Variants in CSGALNACT1 observed in about 807,000 individuals in gnomAD.
CSGALNACT1 encodes beta4GalNAcT-1.
Under a neutral mutation model 51.0 loss-of-function variants are expected in CSGALNACT1, and 52 were observed. The ratio of observed to expected loss-of-function variants is 1.02; its 90% CI spans 0.82 to 1.29. CSGALNACT1 has a LOEUF of 1.29. Among genes scored for constraint, CSGALNACT1 ranks in the 50% most tolerant of loss-of-function variants. CSGALNACT1 has a pLI of 0.00. For synonymous variants in CSGALNACT1, 341 were observed against 254.4 expected (o/e 1.34, Z -3.24); for missense variants, 935 against 679.2 (o/e 1.38, Z -4.19).
intron 1 of CSGALNACT1, among the ~76,000 whole-genome samples, chr8:19,755,456 CAAAAAAAAAAAA>C (rs71205945): frequency 1.3e-4 from 10 of 74,530 alleles, no homozygotes; most frequent in South Asian, 8.5e-4. Context: ...TAAAGAAAGA[CAAAAAAAAAAAA>C]AAAAAAAAAA....
chr8:19,489,030 A>G (rs1461367099), intron 4 of CSGALNACT1, among the ~76,000 whole-genome samples: 2 of 152,180 alleles, frequency 1.3e-5, no homozygotes, highest in African/African-American at 4.8e-5. Context: ...TGAAGGGCAA[A>G]AGATGTATCT....
At chr8:19,494,666 A>C (rs1415965805) in intron 4 of CSGALNACT1, among the ~76,000 whole-genome samples, 1 of 151,500 alleles carries the variant, frequency 6.6e-6, no homozygotes, top group African/African-American at 2.5e-5. Context: ...TACACTTAAC[A>C]AAGTTTTGAG....
intron 1 of CSGALNACT1, among the ~76,000 whole-genome samples, chr8:19,733,736 A>C (rs999737237): frequency 3.9e-5 from 6 of 152,224 alleles, no homozygotes; most frequent in Non-Finnish European, 8.8e-5. Context: ...TTCCCAAGGC[A>C]GACTAGCTAA....
intron 3 of CSGALNACT1, among the ~76,000 whole-genome samples, chr8:19,545,333 G>A (rs947291235): frequency 2.0e-5 from 3 of 152,086 alleles, no homozygotes; most frequent in South Asian, 2.1e-4. Context: ...AACAATTAAC[G>A]TTTAATTGAA....
rs7005528 is a variant in CSGALNACT1, at chr8:19,404,595, T to C, written c.*1185A>G. On this transcript the variant is annotated 3_prime_UTR_variant, in exon 10 of 10. Transcript: ENST00000454498. ...ATCCCACTAGATTCTGGCAGATGGA[T>C]TGATCTTTCACAATATATATATATA... 4,072 of 427,432 alleles carry C rather than the reference T, an allele frequency of 9.5e-3. 146 individuals are homozygous for C. The highest frequency in any genetic ancestry group is 0.082 in the African/African-American group (3,752 of 45,942). 26.5% of individuals were successfully genotyped at this position (427,432 alleles called of 1,614,324 possible). A position where few individuals can be genotyped will look rare whatever the true frequency, so the allele number is the denominator to read the frequency against.
At chr8:19,477,563 G>T (rs1469591391) in intron 4 of CSGALNACT1, among the ~76,000 whole-genome samples, 1 of 152,150 alleles carries the variant, frequency 6.6e-6, no homozygotes, top group Non-Finnish European at 1.5e-5. Flanking sequence ...TATGTAACTG[G>T]TTAACTTGGG....
intron 2 of CSGALNACT1, among the ~76,000 whole-genome samples, chr8:19,594,407 T>C (rs1347502424): frequency 6.6e-6 from 1 of 152,092 alleles, no homozygotes; most frequent in Non-Finnish European, 1.5e-5. Context: ...TTAAAGTACG[T>C]GGTATCAAAT....
intron 3 of CSGALNACT1, among the ~76,000 whole-genome samples, chr8:19,584,289 T>C (rs570055994): frequency 1.4e-4 from 22 of 152,344 alleles, no homozygotes; most frequent in Non-Finnish European, 2.9e-4. Flanking sequence ...CAGGCAATGT[T>C]ATTGGTACTC....
intron 4 of CSGALNACT1, among the ~76,000 whole-genome samples, chr8:19,473,043 C>T (rs1455479470): frequency 1.3e-5 from 2 of 152,130 alleles, no homozygotes; most frequent in Non-Finnish European, 2.9e-5. Flanking sequence ...CTCAGTCAAA[C>T]AGGTCAGGAC....
intron 3 of CSGALNACT1, among the ~76,000 whole-genome samples, chr8:19,581,548 A>G (rs1347490772): frequency 6.6e-6 from 1 of 152,222 alleles, no homozygotes; most frequent in East Asian, 1.9e-4. Context: ...CGGAGGTTGC[A>G]GTGAGCCGAG....
chr8:19,618,349 C>T (rs531182371), intron 1 of CSGALNACT1, among the ~76,000 whole-genome samples: 2 of 151,972 alleles, frequency 1.3e-5, no homozygotes, highest in Non-Finnish European at 2.9e-5. Flanking sequence ...CTAAGAAAAC[C>T]TTAGTAATTG....
chr8:19,617,321 C>T (rs377445587), intron 1 of CSGALNACT1, among the ~76,000 whole-genome samples: 80 of 152,282 alleles, frequency 5.3e-4, no homozygotes, highest in African/African-American at 1.9e-3. Flanking sequence ...TGGTTCCTAG[C>T]AGGCCATGGA....
chr8:19,462,004 G>C (rs1254554895), intron 4 of CSGALNACT1, among the ~76,000 whole-genome samples: 4 of 152,124 alleles, frequency 2.6e-5, no homozygotes, highest in Non-Finnish European at 5.9e-5. Flanking sequence ...CATTTGCCAT[G>C]GAGGGCCTAT....
chr8:19,457,147 C>G (rs2064273382), intron 5 of CSGALNACT1, among the ~76,000 whole-genome samples: 1 of 152,162 alleles, frequency 6.6e-6, no homozygotes, highest in South Asian at 2.1e-4. Flanking sequence ...AAGATTAGAC[C>G]AGATGACCTC....
At chr8:19,612,946 GAAAAAAA>G (rs1165754811) in intron 1 of CSGALNACT1, among the ~76,000 whole-genome samples, 22 of 15,444 alleles carry the variant, frequency 1.4e-3, no homozygotes, top group African/African-American at 2.8e-3. Context: ...AAAGCAGCTG[GAAAAAAA>G]AAAAAAAAAA....
At chr8:19,530,467 G>A (rs777446779) in intron 3 of CSGALNACT1, among the ~76,000 whole-genome samples, 1 of 152,098 alleles carries the variant, frequency 6.6e-6, no homozygotes, top group African/African-American at 2.4e-5. Context: ...TTATGACTTA[G>A]TCTCTACATT....
intron 1 of CSGALNACT1, among the ~76,000 whole-genome samples, chr8:19,628,653 CTTTT>C (rs374535722): frequency 2.0e-5 from 3 of 146,572 alleles, no homozygotes; most frequent in Non-Finnish European, 4.5e-5. Flanking sequence ...AATCAATAGG[CTTTT>C]TTTTTTTGTT....
chr8:19,496,144 T>C (rs186091621), intron 4 of CSGALNACT1, among the ~76,000 whole-genome samples: 120 of 152,316 alleles, frequency 7.9e-4, no homozygotes, highest in African/African-American at 2.7e-3. Flanking sequence ...TTTAAGATAA[T>C]ATGGCATTTG....
chr8:19,679,491 G>A (rs1309211697), intron 1 of CSGALNACT1, among the ~76,000 whole-genome samples: 2 of 151,980 alleles, frequency 1.3e-5, no homozygotes, highest in African/African-American at 2.4e-5. Context: ...AAAACACAAA[G>A]GGAAAATTCC....
Sources: allele counts gnomAD v4.1 joint callset (sites outside exome capture counted in the v4.1 genomes callset), GRCh38; gene constraint gnomAD v4.1.1; transcripts MANE v1.5; gene names NCBI Gene and HGNC (gene_info 2026-07-23, HGNC 2026-07-21).